Variants in MAD1L1 observed in about 807,000 individuals in gnomAD.
MAD1L1 encodes mitotic arrest deficient 1 like 1, also known as mitotic spindle assembly checkpoint protein MAD1.
A neutral mutation model predicts 96.9 loss-of-function variants in MAD1L1; 95 were observed. The ratio of observed to expected loss-of-function variants is 0.98; its 90% CI spans 0.83 to 1.16. The LOEUF (loss-of-function observed/expected upper bound fraction) is 1.16. MAD1L1 is among the 50% of genes most tolerant of loss of function. The pLI, the probability that MAD1L1 is intolerant of heterozygous loss-of-function variation, is 0.00. For missense variants in MAD1L1, 1,007 were observed against 954.4 expected (o/e 1.06, Z -0.73); for synonymous variants, 473 against 396.6 (o/e 1.19, Z -2.29).
intron 17 of MAD1L1, among the ~76,000 whole-genome samples, chr7:1,900,859 C>G (rs1212181428): frequency 2.6e-5 from 4 of 152,196 alleles, no homozygotes; most frequent in Non-Finnish European, 5.9e-5. Context: ...TTCCGGGGCT[C>G]CAGGCTGTGT....
chr7:1,941,907 G>A (rs1779018309), intron 16 of MAD1L1, among the ~76,000 whole-genome samples: 1 of 152,120 alleles, frequency 6.6e-6, no homozygotes, highest in African/African-American at 2.4e-5. Flanking sequence ...CAACATTCCA[G>A]GCACCTAGTC....
chr7:1,827,150 C>T (rs1355687051), intron 18 of MAD1L1, among the ~76,000 whole-genome samples: 1 of 152,186 alleles, frequency 6.6e-6, no homozygotes, highest in Non-Finnish European at 1.5e-5. Flanking sequence ...CTCCAAGGGC[C>T]GTGGAAGGGC....
intron 11 of MAD1L1, among the ~76,000 whole-genome samples, chr7:2,118,307 G>A (rs997564954): frequency 2.5e-5 from 3 of 119,580 alleles, no homozygotes; most frequent in African/African-American, 6.4e-5. Flanking sequence ...CCTGACACAC[G>A]CAGGACGTGG....
At chr7:1,922,305 C>T (rs559921767) in intron 17 of MAD1L1, among the ~76,000 whole-genome samples, 7 of 152,386 alleles carry the variant, frequency 4.6e-5, no homozygotes, top group African/African-American at 1.7e-4. Context: ...CCTCCCACGC[C>T]TCGCCTCAGC....
intron 10 of MAD1L1, among the ~76,000 whole-genome samples, chr7:2,162,487 G>A (rs1021977134): frequency 5.9e-5 from 9 of 151,774 alleles, no homozygotes; most frequent in Non-Finnish European, 1.2e-4. Flanking sequence ...GAAAACCAGA[G>A]ACCTTTGTTC....
chr7:1,973,682 C>T (rs541364387), intron 15 of MAD1L1, among the ~76,000 whole-genome samples: 1 of 152,274 alleles, frequency 6.6e-6, no homozygotes, highest in Admixed American at 6.5e-5. Flanking sequence ...CGGCAGCCTC[C>T]CTGCTGCAGG....
intron 11 of MAD1L1, among the ~76,000 whole-genome samples, chr7:2,098,416 G>C (rs888879253): frequency 5.3e-5 from 8 of 152,178 alleles, no homozygotes; most frequent in African/African-American, 1.7e-4. Context: ...CAGACACAAA[G>C]TGGGCAAGAG....
At chr7:1,954,819 G>A (rs1378429086) in intron 16 of MAD1L1, among the ~76,000 whole-genome samples, 1 of 152,172 alleles carries the variant, frequency 6.6e-6, no homozygotes, top group Non-Finnish European at 1.5e-5. Context: ...GGTGCCCCGA[G>A]CTCTCCCACC....
intron 17 of MAD1L1, among the ~76,000 whole-genome samples, chr7:1,902,179 C>T (rs1246361948): frequency 6.6e-6 from 1 of 152,200 alleles, no homozygotes; most frequent in Admixed American, 6.5e-5. Context: ...CACCTGCCTC[C>T]TCCTGGAATC....
intron 18 of MAD1L1, among the ~76,000 whole-genome samples, chr7:1,844,513 G>T (rs572883483): frequency 2.6e-5 from 4 of 152,302 alleles, no homozygotes; most frequent in African/African-American, 7.2e-5. Context: ...GAGCCCTGCA[G>T]GGGGCAGAGG....
intron 11 of MAD1L1, among the ~76,000 whole-genome samples, chr7:2,115,982 G>T (rs533037237): frequency 3.3e-3 from 497 of 152,318 alleles, no homozygotes; most frequent in African/African-American, 7.6e-3. Flanking sequence ...GACGGTGGAG[G>T]GGGGATAAGG....
At position 2,140,751 on chromosome 7, in the gene MAD1L1, G is replaced by A. The variant is rs549255617; in HGVS notation, c.1073+8401C>T. ...CCAGTCCCTGCATGCCAGAAAGGGC[G>A]GCTCCATGGCCCTGGGACCCACTGG... On this transcript the variant is annotated intron_variant, in intron 11 of 18. Coordinates refer to ENST00000265854, the MANE Select transcript of MAD1L1 (RefSeq NM_001013836.2). Among the ~76,000 whole-genome samples the A allele has an allele frequency of 3.9e-5, 6 of 152,364 alleles. No individual in the cohort carries two copies. The South Asian group carries it at 6.2e-4, about 16-fold the overall frequency.
intron 11 of MAD1L1, among the ~76,000 whole-genome samples, chr7:2,148,164 C>T (rs569946992): frequency 3.9e-5 from 6 of 152,330 alleles, no homozygotes; most frequent in African/African-American, 4.8e-5. Flanking sequence ...TTCAAAGTGA[C>T]ATCAGCCCCC....
At chr7:1,901,907 C>G (rs1417709660) in intron 17 of MAD1L1, among the ~76,000 whole-genome samples, 1 of 152,224 alleles carries the variant, frequency 6.6e-6, no homozygotes, top group East Asian at 1.9e-4. Context: ...ACCCCTGGGA[C>G]CCCTGCTTTG....
intron 11 of MAD1L1, among the ~76,000 whole-genome samples, chr7:2,115,473 G>A (rs1787628344): frequency 6.8e-6 from 1 of 147,350 alleles, no homozygotes; most frequent in Admixed American, 6.8e-5. Flanking sequence ...AGAGGAGGCT[G>A]GACAGGGTCC....
At chr7:1,864,848 C>T (rs1475809381) in intron 18 of MAD1L1, among the ~76,000 whole-genome samples, 5 of 152,306 alleles carry the variant, frequency 3.3e-5, no homozygotes, top group Admixed American at 6.5e-5. Flanking sequence ...CAGCTCCCCT[C>T]GACTTCTGCC....
chr7:2,147,507 C>A (rs1263096763), intron 11 of MAD1L1, among the ~76,000 whole-genome samples: 1 of 152,268 alleles, frequency 6.6e-6, no homozygotes, highest in African/African-American at 2.4e-5. Flanking sequence ...TTCAGGGCAG[C>A]TTCTCCCTTT....
intron 12 of MAD1L1, among the ~76,000 whole-genome samples, chr7:2,061,665 A>G (rs564285048): frequency 1.3e-5 from 2 of 152,260 alleles, no homozygotes; most frequent in East Asian, 1.9e-4. Flanking sequence ...GGGCATGCCC[A>G]GCGCAAGGGC....
intron 18 of MAD1L1, among the ~76,000 whole-genome samples, chr7:1,842,309 G>A (rs1303353056): frequency 2.0e-5 from 3 of 152,152 alleles, no homozygotes; most frequent in Admixed American, 6.5e-5. Flanking sequence ...CCGTGTGGCC[G>A]CAGCCCCCGT....
Sources: allele counts gnomAD v4.1 joint callset (sites outside exome capture counted in the v4.1 genomes callset), GRCh38; gene constraint gnomAD v4.1.1; transcripts MANE v1.5; gene names NCBI Gene and HGNC (gene_info 2026-07-23, HGNC 2026-07-21).